GSDMB: variants seen among roughly 807,000 people sequenced by gnomAD.
GSDMB encodes gasdermin-B.
GSDMB carries 32 observed loss-of-function variants against 42.9 expected under a neutral mutation model. The ratio of observed to expected loss-of-function variants is 0.75; its 90% CI spans 0.56 to 1.00. The LOEUF is 1.00. GSDMB is among the 50% of genes least tolerant of loss of function. The pLI is 0.00. For synonymous variants in GSDMB, 175 were observed against 193.7 expected (o/e 0.90, Z 0.80); for missense variants, 468 against 498.5 (o/e 0.94, Z 0.58).
At chr17:39,916,425 G>T (rs1306282910) in intron 2 of GSDMB, among the ~76,000 whole-genome samples, 1 of 151,680 alleles carries the variant, frequency 6.6e-6, no homozygotes, top group East Asian at 1.9e-4. Flanking sequence ...CAGGACTACA[G>T]GCGCATGCCA....
chr17:39,914,085 G>A (rs2063663059), intron 2 of GSDMB, among the ~76,000 whole-genome samples: 1 of 150,244 alleles, frequency 6.7e-6, no homozygotes, highest in South Asian at 2.1e-4. Context: ...ATGAAGAAGA[G>A]GAAAAAGAGT....
chr17:39,907,220 A>C (rs1259429741), intron 6 of GSDMB: 4 of 1,343,504 alleles, frequency 3.0e-6, no homozygotes, highest in Non-Finnish European at 3.8e-6. Context: ...ATTGAGGAAG[A>C]AGCCAAGGCC....
chr17:39,916,981 T>C, intron 2 of GSDMB, 101 bp downstream of exon 2: 3 of 752,768 alleles, frequency 4.0e-6, no homozygotes, highest in South Asian at 1.6e-5. Flanking sequence ...TCCCACAGTT[T>C]CGTTGTTGAT....
Position 39,909,046 on chromosome 17 carries a change from G to C in GSDMB, c.577-4C>G. 1 of 1,577,660 alleles carries C rather than the reference G, an allele frequency of 6.3e-7. No individual in the cohort carries two copies. Among genetic ancestry groups the C allele is most frequent in the Non-Finnish European group, 8.6e-7 (1 of 1,159,776 alleles). On this transcript the variant is annotated splice_polypyrimidine_tract_variant and splice_region_variant and intron_variant, in intron 4 of 10. Coordinates refer to ENST00000418519, the MANE Select transcript of GSDMB (RefSeq NM_001165958.2). ...GGATGGTCACTTCCCTTTGGCCCTA[G>C]AAAAAGGAGCTCACATTGACGGATC...
rs117724900 is a variant in GSDMB, at chr17:39,907,766, A to G, written c.700+410T>C. 6.9e-5 allele frequency: 11 copies of G among 160,258 alleles called. No individual in the cohort carries two copies. In the East Asian group the frequency reaches 1.9e-3, roughly 28 times the overall value. The allele number at this position is 160,258 out of a possible 1,614,324, so 9.9% of individuals were successfully genotyped here. A position where few individuals can be genotyped will look rare whatever the true frequency, so the allele number is the denominator to read the frequency against. On this transcript the variant is annotated intron_variant, in intron 6 of 10. Transcript: ENST00000418519. Reference sequence around the variant, plus strand: ...TAAATTAAATTAAAATAAAGTCAGGAAAACTGTGACTTGGGAGGCTGTAGA... The same window carrying G: ...TAAATTAAATTAAAATAAAGTCAGGGAAACTGTGACTTGGGAGGCTGTAGA...
rs150649543 is a variant in GSDMB at position 39,914,407 on chromosome 17, G to A, written c.236-1910C>T. ...GAGGAGCCTAAGGAGACATGACAAC[G>A]AAATGTAATGTAGGATCCTGGATGG... On this transcript the variant is annotated intron_variant, in intron 2 of 10. Coordinates refer to ENST00000418519, the MANE Select transcript of GSDMB (RefSeq NM_001165958.2). Among the ~76,000 whole-genome samples, 168 of 152,284 alleles carry A rather than the reference G, an allele frequency of 1.1e-3. 2 individuals carry two copies. In the East Asian group the frequency reaches 0.014, roughly 13 times the overall value.
intron 6 of GSDMB, chr17:39,907,596 A>T (rs113263629): frequency 0.035 from 5,362 of 152,320 alleles, 96 homozygotes; most frequent in Non-Finnish European, 0.041. Flanking sequence ...GGCGTGGTGG[A>T]GGGCACCTGT....
chr17:39,905,568 C>T, intron 9 of GSDMB, 72 bp from the exon 10 acceptor site: 4 of 1,219,656 alleles, frequency 3.3e-6, no homozygotes, highest in Non-Finnish European at 4.8e-6. Flanking sequence ...TGATCACACC[C>T]AGAACATGTA....
chr17:39,907,427 G>A (rs1268384303), intron 6 of GSDMB: 3 of 159,864 alleles, frequency 1.9e-5, no homozygotes, highest in Non-Finnish European at 4.1e-5. Context: ...GAAAGGCTGG[G>A]CATGGTGGCT....
At chr17:39,917,615 A>G in intron 1 of GSDMB, 1 of 369,968 alleles carries the variant, frequency 2.7e-6, no homozygotes, top group Non-Finnish European at 5.1e-6. Flanking sequence ...GTACTTTGTA[A>G]TATTCTCCCC....
In GSDMB at chr17:39,909,870, G is replaced by GT. The variant is rs2063576001; in HGVS notation, c.461dup (p.Asn154LysfsTer24). On this transcript the variant is annotated frameshift_variant, in exon 4 of 11. Transcript: ENST00000418519. LOFTEE classifies it high-confidence loss of function. Reference sequence around the variant, plus strand: ...CCAGAGTTTCTGTCACCAGATACAGGTTTTCTCTCGTATTAATTGATCGGA... The same window carrying GT: ...CCAGAGTTTCTGTCACCAGATACAGGTTTTTCTCTCGTATTAATTGATCGGA... 19 of 1,613,568 alleles carry GT rather than the reference G, an allele frequency of 1.2e-5. No individual in the cohort carries two copies. The highest frequency in any genetic ancestry group is 2.2e-5 in the East Asian group (1 of 44,892).
chr17:39,905,548 C>T (rs1309833357), intron 9 of GSDMB, 52 bp from the exon 10 acceptor site: 1 of 1,400,844 alleles, frequency 7.1e-7, no homozygotes, highest in Admixed American at 1.8e-5. Context: ...TGGGACAGGG[C>T]CTCAGTGGCT....
chr17:39,917,604 G>T, intron 1 of GSDMB: 1 of 377,238 alleles, frequency 2.7e-6, no homozygotes, highest in South Asian at 2.4e-5. Flanking sequence ...CCCTTAAGAA[G>T]GTACTTTGTA....
At chr17:39,910,767 C>T (rs4795400) in intron 3 of GSDMB, among the ~76,000 whole-genome samples, 54,403 of 152,008 alleles carry the variant, frequency 0.36, 11,097 homozygotes, top group Non-Finnish European at 0.45. Context: ...TTTCTATTTG[C>T]AATCAAAAGG....
At chr17:39,906,661 A>T in intron 7 of GSDMB, 1 of 1,251,500 alleles carries the variant, frequency 8.0e-7, no homozygotes, top group Admixed American at 3.5e-5. Flanking sequence ...TCACCTGAGG[A>T]GTTATTACAA....
Position 39,908,923 on chromosome 17 carries a change from G to GC in GSDMB, c.661+34dup, listed in dbSNP as rs377638926. 3.0e-4 allele frequency: 402 copies of GC among 1,326,964 alleles called. No homozygotes were observed. The African/African-American group carries it at 5.3e-3, about 17-fold the overall frequency. The allele number at this position is 1,326,964 out of a possible 1,614,324, so 82.2% of individuals were successfully genotyped here. A position where few individuals can be genotyped will look rare whatever the true frequency, so the allele number is the denominator to read the frequency against. ...CCCCCACCTCACTGGTGTGTTTAGGGCCCCCCATCCTGTTCTCCATCTGCC... is the reference window on the plus strand; with the variant it reads ...CCCCCACCTCACTGGTGTGTTTAGGGCCCCCCCATCCTGTTCTCCATCTGCC... On this transcript the variant is annotated intron_variant, in intron 5 of 10. Coordinates refer to ENST00000418519, the MANE Select transcript of GSDMB (RefSeq NM_001165958.2).
At chr17:39,914,761 CAAA>C (rs71152627) in intron 2 of GSDMB, among the ~76,000 whole-genome samples, 1 of 91,016 alleles carries the variant, frequency 1.1e-5, no homozygotes, top group Non-Finnish European at 2.0e-5. Flanking sequence ...CACTCCATCT[CAAA>C]AAAAAAAAAA....
rs993404130 is a variant in GSDMB, at chr17:39,908,168, T to TC, written c.700+7dup. On this transcript the variant is annotated splice_region_variant and intron_variant, in intron 6 of 10. Transcript: ENST00000418519. ...AATGACGAACGGGAAGCCCAGCAGC[T>TC]CACTCACCTTCTGGAAAGGATTTTG... The TC allele has an allele frequency of 4.8e-6, 7 of 1,456,058 alleles. No individual in the cohort carries two copies. In the African/African-American group the frequency reaches 9.7e-5, roughly 20 times the overall value. The allele number at this position is 1,456,058 out of a possible 1,614,324, so 90.2% of individuals were successfully genotyped here. A position where few individuals can be genotyped will look rare whatever the true frequency, so the allele number is the denominator to read the frequency against.
chr17:39,912,538 CA>C, intron 2 of GSDMB, 41 bp from the exon 3 acceptor site: 1 of 1,508,676 alleles, frequency 6.6e-7, no homozygotes, highest in East Asian at 2.3e-5. Context: ...AGCAGACCCC[CA>C]AAAGATCTCT....
Sources: gnomAD v4.1 joint callset for allele counts (sites outside exome capture counted in the v4.1 genomes callset) on GRCh38, gnomAD v4.1.1 for gene constraint, MANE v1.5 for transcripts, NCBI Gene and HGNC (gene_info 2026-07-23, HGNC 2026-07-21) for gene names.